The following ADAM10 variants were observed in gnomAD, a reference collection of about 807,000 sequenced individuals.
The protein encoded by ADAM10 is ADAM metallopeptidase domain 10, also known as disintegrin and metalloproteinase domain-containing protein 10.
Under a neutral mutation model 90.1 loss-of-function variants are expected in ADAM10, and 17 were observed. The observed-to-expected ratio is 0.19, with a 90% CI of 0.13 to 0.28. ADAM10 has a LOEUF of 0.28. Among genes scored for constraint, ADAM10 ranks in the 10% least tolerant of loss-of-function variants. The pLI is 1.00. For synonymous variants in ADAM10, 310 were observed against 298.6 expected (o/e 1.04, Z -0.40); for missense variants, 610 against 914.3 (o/e 0.67, Z 4.29).
At chr15:58,743,607 CTT>C (rs1241862806) in intron 1 of ADAM10, among the ~76,000 whole-genome samples, 7 of 144,496 alleles carry the variant, frequency 4.8e-5, no homozygotes, top group Admixed American at 6.9e-5. Context: ...AAACAAAATA[CTT>C]TTTTTTTTTT....
chr15:58,604,099 T>C (rs1351815793), intron 14 of ADAM10, among the ~76,000 whole-genome samples: 4 of 152,156 alleles, frequency 2.6e-5, no homozygotes, highest in African/African-American at 4.8e-5. Context: ...CGGTGGCTCA[T>C]GTCTGTAATC....
chr15:58,624,214 A>G (rs1189110303), intron 10 of ADAM10, among the ~76,000 whole-genome samples: 1 of 151,736 alleles, frequency 6.6e-6, no homozygotes. Flanking sequence ...TGAACCTGGG[A>G]GGGAGAGGTT....
chr15:58,637,728 A>T (rs1044900864), intron 8 of ADAM10, among the ~76,000 whole-genome samples: 1 of 152,020 alleles, frequency 6.6e-6, no homozygotes, highest in Admixed American at 6.6e-5. Context: ...TATATATATA[A>T]AATACCTAGT....
intron 5 of ADAM10, among the ~76,000 whole-genome samples, chr15:58,646,692 T>C (rs1302357291): frequency 1.3e-5 from 2 of 152,232 alleles, no homozygotes; most frequent in East Asian, 1.9e-4. Flanking sequence ...CTCTTCTCCA[T>C]ATTGCAATGT....
chr15:58,630,090 T>C (rs1007414051), intron 9 of ADAM10, among the ~76,000 whole-genome samples: 1 of 152,168 alleles, frequency 6.6e-6, no homozygotes, highest in Non-Finnish European at 1.5e-5. Context: ...TGTACAGTTA[T>C]ACACACCTTT....
intron 2 of ADAM10, among the ~76,000 whole-genome samples, chr15:58,682,789 T>C (rs1324544751): frequency 6.6e-6 from 1 of 152,122 alleles, no homozygotes; most frequent in Non-Finnish European, 1.5e-5. Context: ...GAAAGACAAG[T>C]GTGTATGCTC....
chr15:58,628,087 G>A (rs1280724132), intron 9 of ADAM10, among the ~76,000 whole-genome samples: 1 of 152,180 alleles, frequency 6.6e-6, no homozygotes, highest in East Asian at 1.9e-4. Context: ...AGGAAAATCA[G>A]TGGAGGTCTA....
chr15:58,634,226 C>G (rs542946063), intron 8 of ADAM10, among the ~76,000 whole-genome samples: 6 of 151,400 alleles, frequency 4.0e-5, no homozygotes, highest in Non-Finnish European at 8.8e-5. Context: ...TGCCTGAACC[C>G]AGGAGGTGGA....
Position 58,682,324 on chromosome 15 carries a change from G to T in ADAM10, c.207-10C>A. On this transcript the variant is annotated splice_polypyrimidine_tract_variant and intron_variant, in intron 2 of 15. Transcript: ENST00000260408. ...TCGTAGGTTGAAATGTCTGTAAAAT[G>T]GGATGGGAAGGGGGAACAACTGAAA... 1 of 1,608,912 alleles carries T rather than the reference G, an allele frequency of 6.2e-7. No homozygotes were observed. The highest frequency in any genetic ancestry group is 8.5e-7 in the Non-Finnish European group (1 of 1,178,264).
Position 58,687,630 on chromosome 15 carries a change from ACTAT to A in ADAM10, c.207-5320_207-5317del, listed in dbSNP as rs369383986. 5.1e-3 allele frequency among the ~76,000 whole-genome samples: 763 copies of A among 150,498 alleles called. 11 individuals are homozygous for A. Among genetic ancestry groups the A allele is most frequent in the African/African-American group, 0.018 (739 of 40,262 alleles). ...GTCAAGCTGATCCACAAGTTACTCA[ACTAT>A]CTAACAAACAAAACTCCATACTTTT... On this transcript the variant is annotated intron_variant, in intron 2 of 15. Transcript: ENST00000260408.
chr15:58,606,420 A>G (rs1895275783), intron 14 of ADAM10, among the ~76,000 whole-genome samples: 1 of 152,256 alleles, frequency 6.6e-6, no homozygotes, highest in Non-Finnish European at 1.5e-5. Context: ...CCAGTTTCAA[A>G]GTTAATATGC....
chr15:58,663,104 G>T (rs537732357), intron 5 of ADAM10, among the ~76,000 whole-genome samples: 1 of 152,214 alleles, frequency 6.6e-6, no homozygotes, highest in African/African-American at 2.4e-5. Context: ...AGAAAGCCTA[G>T]TTAGATATCA....
chr15:58,610,262 TTTAAG>T (rs1290798810), intron 14 of ADAM10, 30 bp downstream of exon 14: 2 of 1,590,242 alleles, frequency 1.3e-6, no homozygotes, highest in South Asian at 1.1e-5. Context: ...ATCAAACCAC[TTTAAG>T]TTTTCTTTGT....
intron 8 of ADAM10, among the ~76,000 whole-genome samples, chr15:58,633,767 A>C (rs1273893123): frequency 1.3e-5 from 2 of 152,210 alleles, no homozygotes; most frequent in Non-Finnish European, 2.9e-5. Flanking sequence ...AAAGTTGAAC[A>C]AAATATCCTC....
At position 58,592,906 on chromosome 15, in the gene ADAM10, C is replaced by T. The variant is rs868122471; in HGVS notation, c.*4641G>A. ...ATTTCATTATTAGGCTGAGGATTTT[C>T]CTAAGAATTGTTTAAAATTCTTTAG... On this transcript the variant is annotated 3_prime_UTR_variant, in exon 16 of 16. Coordinates refer to ENST00000260408, the MANE Select transcript of ADAM10 (RefSeq NM_001110.4). 4.7e-5 allele frequency: 7 copies of T among 150,502 alleles called. No individual in the cohort carries two copies. Among genetic ancestry groups the T allele is most frequent in the Middle Eastern group, 3.5e-3 (1 of 288 alleles). The allele number at this position is 150,502 out of a possible 1,614,324, so 9.3% of individuals were successfully genotyped here.
intron 12 of ADAM10, 52 bp downstream of exon 12, chr15:58,611,756 G>T: frequency 6.4e-7 from 1 of 1,562,996 alleles, no homozygotes. Flanking sequence ...TAATTCTTCT[G>T]AAAAACAAGT....
intron 1 of ADAM10, among the ~76,000 whole-genome samples, chr15:58,733,833 T>G (rs1356985795): frequency 3.3e-5 from 5 of 151,672 alleles, no homozygotes; most frequent in African/African-American, 1.2e-4. Flanking sequence ...TACCAAACCA[T>G]GCTGAATAAC....
chr15:58,734,691 C>A (rs1191349339), intron 1 of ADAM10, among the ~76,000 whole-genome samples: 1 of 149,778 alleles, frequency 6.7e-6, no homozygotes, highest in East Asian at 2.0e-4. Flanking sequence ...CAAAGTGAGA[C>A]CCTGTCTCAA....
At position 58,731,352 on chromosome 15, in the gene ADAM10, C is replaced by A. The variant is rs141329435; in HGVS notation, c.56-13625G>T. ...ATATGGGAGGGGCCAGGTGCAGTGG[C>A]TCACACCTGTAATCCTAACACTTTG... is the stretch of plus-strand genomic sequence containing the variant. On this transcript the variant is annotated intron_variant, in intron 1 of 15. Transcript: ENST00000260408. Among the ~76,000 whole-genome samples the A allele has an allele frequency of 9.2e-4, 140 of 152,238 alleles. 1 individual carries two copies. Among genetic ancestry groups the A allele is most frequent in the African/African-American group, 3.2e-3 (134 of 41,528 alleles).
Sources: allele counts gnomAD v4.1 joint callset (sites outside exome capture counted in the v4.1 genomes callset), GRCh38; gene constraint gnomAD v4.1.1; transcripts MANE v1.5; gene names NCBI Gene and HGNC (gene_info 2026-07-23, HGNC 2026-07-21).